The following GASK1A variants were observed in gnomAD, a reference collection of about 807,000 sequenced individuals.
GASK1A encodes the protein golgi associated kinase 1A.
In GASK1A, 40 loss-of-function variants were observed where a neutral mutation model predicts 41.2. The ratio of observed to expected loss-of-function variants is 0.97; its 90% CI spans 0.75 to 1.27. The LOEUF is 1.27. Among genes scored for constraint, GASK1A ranks in the 50% most tolerant of loss-of-function variants. GASK1A has a pLI of 0.00. For synonymous variants in GASK1A, 316 were observed against 307.1 expected, an observed-to-expected ratio of 1.03 and a Z score of -0.30; for missense variants, 678 against 745.1, an observed-to-expected ratio of 0.91 and a Z score of 1.05.
intron 1 of GASK1A, among the ~76,000 whole-genome samples, chr3:43,026,729 T>G (rs2089548677): frequency 6.6e-6 from 1 of 151,826 alleles, no homozygotes; most frequent in Non-Finnish European, 1.5e-5. Flanking sequence ...TGAAAATAGT[T>G]AGAAAGGATT....
chr3:43,043,151 C>G (rs1321148840), intron 2 of GASK1A, among the ~76,000 whole-genome samples: 1 of 152,240 alleles, frequency 6.6e-6, no homozygotes, highest in Non-Finnish European at 1.5e-5. Context: ...AGGCAGTGAG[C>G]CTGCCTAGTC....
intron 2 of GASK1A, among the ~76,000 whole-genome samples, chr3:43,036,779 C>T (rs2089606827): frequency 6.6e-6 from 1 of 152,140 alleles, no homozygotes; most frequent in African/African-American, 2.4e-5. Context: ...ACCCTGAGGA[C>T]CTCAGCCCTC....
chr3:43,024,891 G>C (rs1294859839), intron 1 of GASK1A, among the ~76,000 whole-genome samples: 1 of 152,194 alleles, frequency 6.6e-6, no homozygotes, highest in Non-Finnish European at 1.5e-5. Flanking sequence ...TGTTATGGGA[G>C]CACACGGCGA....
intron 2 of GASK1A, among the ~76,000 whole-genome samples, chr3:43,052,353 C>T (rs557276993): frequency 2.7e-4 from 41 of 152,304 alleles, no homozygotes; most frequent in Admixed American, 5.2e-4. Flanking sequence ...TCCTGCTGCT[C>T]CCTGCTTCCC....
intron 1 of GASK1A, among the ~76,000 whole-genome samples, chr3:43,024,731 C>T (rs1247695557): frequency 7.2e-5 from 11 of 152,204 alleles, no homozygotes; most frequent in South Asian, 4.1e-4. Flanking sequence ...TTGCAGAGAG[C>T]TTCTCACGTG....
chr3:43,036,186 GGTTGGTTATATGGGC>G (rs1461304446), intron 2 of GASK1A, among the ~76,000 whole-genome samples: 3 of 152,222 alleles, frequency 2.0e-5, no homozygotes, highest in East Asian at 3.8e-4. Flanking sequence ...AGCATACACA[GGTTGGTTATATGGGC>G]AGACATGACT....
chr3:42,986,684 A>G (rs1417173321), intron 1 of GASK1A, among the ~76,000 whole-genome samples: 1 of 152,072 alleles, frequency 6.6e-6, no homozygotes, highest in Non-Finnish European at 1.5e-5. Flanking sequence ...GGTTTGTGTT[A>G]TTGTCCCTAG....
At chr3:42,998,386 A>T (rs76598613) in intron 1 of GASK1A, among the ~76,000 whole-genome samples, 3 of 152,038 alleles carry the variant, frequency 2.0e-5, no homozygotes, top group Non-Finnish European at 4.4e-5. Context: ...TCTAGGGCAG[A>T]CCTGGAGCTC....
At position 43,040,872 on chromosome 3, in the gene GASK1A, T is replaced by TCCC. The variant is rs1389325169; in HGVS notation, c.1290+7320_1290+7322dup. On this transcript the variant is annotated intron_variant, in intron 2 of 4. Coordinates refer to ENST00000430121, the MANE Select transcript of GASK1A (RefSeq NM_001129908.3). ...GCGTTAGGTATATCTCCCAATGCTA[T>TCCC]CCCTCCCCCCCGCCACAACAGTCCG... Among the ~76,000 whole-genome samples, 487 of 53,916 alleles carry TCCC rather than the reference T, an allele frequency of 9.0e-3. 2 individuals are homozygous for TCCC. The highest frequency in any genetic ancestry group is 0.024 in the Middle Eastern group (2 of 84). The allele number at this position is 53,916 out of a possible 152,430, so 35.4% of individuals were successfully genotyped here. A position where few individuals can be genotyped will look rare whatever the true frequency, so the allele number is the denominator to read the frequency against.
At chr3:42,997,437 A>AG (rs377496588) in intron 1 of GASK1A, among the ~76,000 whole-genome samples, 211 of 108,718 alleles carry the variant, frequency 1.9e-3, no homozygotes, top group South Asian at 0.013. Flanking sequence ...AGACAGAGAG[A>AG]GGGGGGGGGG....
chr3:43,035,730 G>T (rs966084885), intron 2 of GASK1A, among the ~76,000 whole-genome samples: 1 of 152,020 alleles, frequency 6.6e-6, no homozygotes, highest in East Asian at 1.9e-4. Flanking sequence ...AGTGCCTGGC[G>T]GGTGGCACAT....
chr3:42,996,636 A>G (rs1224607919), intron 1 of GASK1A, among the ~76,000 whole-genome samples: 1 of 152,236 alleles, frequency 6.6e-6, no homozygotes, highest in Non-Finnish European at 1.5e-5. Context: ...TGGAGTTGGG[A>G]TCAATAGCCC....
intron 2 of GASK1A, among the ~76,000 whole-genome samples, chr3:43,051,954 C>A (rs757385138): frequency 6.6e-6 from 1 of 152,170 alleles, no homozygotes. Flanking sequence ...ATCAGAGTGT[C>A]CAATCTAGGT....
rs536682413 is a variant in GASK1A, at chr3:43,031,625, T to A, written c.4-642T>A. Among the ~76,000 whole-genome samples the A allele has an allele frequency of 3.9e-4, 59 of 152,324 alleles. 1 individual carries two copies. In the South Asian group the frequency reaches 0.011, roughly 29 times the overall value. ...CCCCTAGGGTGTGTCCTTGCTAACATGTGCAGAGCTGTTGCTGCCACATCT... is the reference window on the plus strand; with the variant it reads ...CCCCTAGGGTGTGTCCTTGCTAACAAGTGCAGAGCTGTTGCTGCCACATCT... On this transcript the variant is annotated intron_variant, in intron 1 of 4. Transcript: ENST00000430121.
At chr3:43,056,020 G>A in intron 4 of GASK1A, 156 bp from the exon 5 acceptor site, 1 of 625,566 alleles carries the variant, frequency 1.6e-6, no homozygotes, top group East Asian at 2.8e-5. Context: ...CTGTTAGTGA[G>A]ATAGCAGGTG....
chr3:43,018,248 C>G (rs2089504561), intron 1 of GASK1A, among the ~76,000 whole-genome samples: 1 of 152,186 alleles, frequency 6.6e-6, no homozygotes, highest in Admixed American at 6.5e-5. Flanking sequence ...TTAAATCTTG[C>G]CTGCCAGTAA....
At chr3:42,979,970 C>T (rs1491002444) in intron 1 of GASK1A, among the ~76,000 whole-genome samples, 1 of 152,018 alleles carries the variant, frequency 6.6e-6, no homozygotes, top group Non-Finnish European at 1.5e-5. Context: ...GGGAGCGTTC[C>T]CTGGGGAACC....
intron 1 of GASK1A, among the ~76,000 whole-genome samples, chr3:43,003,970 AT>A (rs1345663395): frequency 6.6e-6 from 1 of 152,118 alleles, no homozygotes; most frequent in Non-Finnish European, 1.5e-5. Flanking sequence ...GAATATATGC[AT>A]TTCATTCATT....
At position 43,018,035 on chromosome 3, in the gene GASK1A, C is replaced by T. The variant is rs143029266; in HGVS notation, c.4-14232C>T. Among the ~76,000 whole-genome samples the T allele has an allele frequency of 6.0e-3, 920 of 152,180 alleles. 6 individuals carry two copies. The highest frequency in any genetic ancestry group is 0.02 in the African/African-American group (849 of 41,512). ...TCACAGGAAGGGCTGCTTGAGGTCA[C>T]GGGAAGTGGCTGTATTTAGTCATAT... is the stretch of plus-strand genomic sequence containing the variant. On this transcript the variant is annotated intron_variant, in intron 1 of 4. Transcript: ENST00000430121.
Sources: gnomAD v4.1 joint callset for allele counts (sites outside exome capture counted in the v4.1 genomes callset) on GRCh38, gnomAD v4.1.1 for gene constraint, MANE v1.5 for transcripts, NCBI Gene and HGNC (gene_info 2026-07-23, HGNC 2026-07-21) for gene names.